Variants in NXPE2 observed in about 807,000 individuals in gnomAD.
NXPE2 encodes neurexophilin and PC-esterase domain family member 2.
NXPE2 carries 34 observed loss-of-function variants against 34.4 expected under a neutral mutation model. The ratio of observed to expected loss-of-function variants is 0.99; its 90% CI spans 0.75 to 1.31. The LOEUF is 1.31. Ranked by LOEUF, NXPE2 falls within the 40% of genes most tolerant of loss-of-function variation. NXPE2 has a pLI of 0.00. For synonymous variants in NXPE2, 235 were observed against 231.3 expected (o/e 1.02, Z -0.15); for missense variants, 649 against 672.5 (o/e 0.97, Z 0.39).
the NXPE2 span, among the ~76,000 whole-genome samples, chr11:114,778,583 T>C: frequency 4.6e-5 from 7 of 152,008 alleles, no homozygotes; most frequent in Admixed American, 3.9e-4. Flanking sequence ...GAGAGATAAT[T>C]TGGAGGTAGG....
chr11:114,654,994 C>T, the NXPE2 span, among the ~76,000 whole-genome samples: 1 of 152,158 alleles, frequency 6.6e-6, no homozygotes, highest in Non-Finnish European at 1.5e-5. Context: ...TGTTTCCTGA[C>T]TTTTTAATAA....
the NXPE2 span, among the ~76,000 whole-genome samples, chr11:114,787,348 C>T: frequency 6.6e-6 from 1 of 152,142 alleles, no homozygotes. Flanking sequence ...CCGTGGGTGC[C>T]TGGTGCAGTT....
chr11:114,735,726 G>A, the NXPE2 span, among the ~76,000 whole-genome samples: 1 of 152,078 alleles, frequency 6.6e-6, no homozygotes, highest in Non-Finnish European at 1.5e-5. Context: ...ATATATAGTA[G>A]GAAAGTAGCC....
the NXPE2 span, among the ~76,000 whole-genome samples, chr11:114,505,450 GA>G: frequency 1.3e-5 from 2 of 151,594 alleles, no homozygotes; most frequent in South Asian, 4.1e-4. Flanking sequence ...CAAAATGACA[GA>G]AAAAATGTTA....
At chr11:114,516,206 C>A in the NXPE2 span, among the ~76,000 whole-genome samples, 4 of 152,070 alleles carry the variant, frequency 2.6e-5, no homozygotes, top group Non-Finnish European at 5.9e-5. Context: ...TGAATGCAAT[C>A]CTAGGGTTGG....
At chr11:114,625,278 G>T in the NXPE2 span, among the ~76,000 whole-genome samples, 5 of 152,158 alleles carry the variant, frequency 3.3e-5, no homozygotes, top group African/African-American at 1.2e-4. Context: ...AATACGAGTT[G>T]CCTCATGCGT....
the NXPE2 span, among the ~76,000 whole-genome samples, chr11:114,724,003 T>G: frequency 6.6e-6 from 1 of 152,184 alleles, no homozygotes; most frequent in Non-Finnish European, 1.5e-5. Context: ...AATATCCTCT[T>G]CTTTTCTAGA....
chr11:114,580,802 G>C, the NXPE2 span, among the ~76,000 whole-genome samples: 5 of 152,094 alleles, frequency 3.3e-5, no homozygotes, highest in African/African-American at 9.7e-5. Context: ...AGTTTGGCTT[G>C]GGAACTGACC....
At chr11:114,630,881 C>G in the NXPE2 span, among the ~76,000 whole-genome samples, 10 of 151,838 alleles carry the variant, frequency 6.6e-5, no homozygotes, top group Non-Finnish European at 1.5e-4. Flanking sequence ...ACAGACACTT[C>G]TTAAAAGAAG....
At chr11:114,482,983 C>G in the NXPE2 span, among the ~76,000 whole-genome samples, 1 of 152,154 alleles carries the variant, frequency 6.6e-6, no homozygotes, top group Non-Finnish European at 1.5e-5. Flanking sequence ...TCTACTCCTC[C>G]TTCACTTCCT....
the NXPE2 span, among the ~76,000 whole-genome samples, chr11:114,764,436 A>G: frequency 2.6e-5 from 4 of 152,254 alleles, no homozygotes; most frequent in South Asian, 8.3e-4. Flanking sequence ...TTAAAAAAAA[A>G]AAAAAGGAAA....
the NXPE2 span, among the ~76,000 whole-genome samples, chr11:114,515,073 A>G: frequency 2.6e-5 from 4 of 151,758 alleles, no homozygotes; most frequent in African/African-American, 4.8e-5. Context: ...TAATATCCAT[A>G]GTTTTGTTTT....
At chr11:114,508,268 T>C in the NXPE2 span, among the ~76,000 whole-genome samples, 1 of 152,186 alleles carries the variant, frequency 6.6e-6, no homozygotes. Flanking sequence ...TGGGAAAACA[T>C]TTCATGCTCA....
the NXPE2 span, among the ~76,000 whole-genome samples, chr11:114,632,602 T>A: frequency 9.5e-6 from 1 of 105,014 alleles, no homozygotes; most frequent in Non-Finnish European, 1.7e-5. Context: ...TTGATGTATA[T>A]ATTTATATTT....
At chr11:114,730,472 A>C in the NXPE2 span, among the ~76,000 whole-genome samples, 1 of 152,164 alleles carries the variant, frequency 6.6e-6, no homozygotes, top group East Asian at 1.9e-4. Flanking sequence ...ATAGCATTGA[A>C]TCTGTAGACT....
the NXPE2 span, among the ~76,000 whole-genome samples, chr11:114,726,058 T>TG: frequency 6.7e-6 from 1 of 149,032 alleles, no homozygotes; most frequent in Admixed American, 6.7e-5. Flanking sequence ...GTGAATGCAC[T>TG]GACAAAAATT....
At chr11:114,483,813 TC>T in the NXPE2 span, among the ~76,000 whole-genome samples, 3 of 152,166 alleles carry the variant, frequency 2.0e-5, no homozygotes, top group African/African-American at 4.8e-5. Flanking sequence ...TTCTTCTCTT[TC>T]CCTGATTGGT....
the NXPE2 span, chr11:114,522,050 A>G: frequency 6.2e-7 from 1 of 1,613,780 alleles, no homozygotes; most frequent in Non-Finnish European, 8.5e-7. Context: ...GCCATATGCA[A>G]TGGTCATGTC....
the NXPE2 span, chr11:114,594,565 C>T: frequency 1.3e-6 from 1 of 767,896 alleles, no homozygotes; most frequent in East Asian, 2.5e-5. Context: ...AACTCCCCTC[C>T]TATAATCTAC....
Sources: gnomAD v4.1 joint callset for allele counts (sites outside exome capture counted in the v4.1 genomes callset) on GRCh38, gnomAD v4.1.1 for gene constraint, MANE v1.5 for transcripts, NCBI Gene and HGNC (gene_info 2026-07-23, HGNC 2026-07-21) for gene names.